NAALADL2: variants seen among roughly 807,000 people sequenced by gnomAD.
NAALADL2 encodes inactive N-acetylated-alpha-linked acidic dipeptidase-like protein 2.
Under a neutral mutation model 87.2 loss-of-function variants are expected in NAALADL2, and 76 were observed. The observed-to-expected ratio is 0.87, with a 90% confidence interval of 0.72 to 1.05. The LOEUF (loss-of-function observed/expected upper bound fraction) is 1.05. Among genes scored for constraint, NAALADL2 ranks in the 50% least tolerant of loss-of-function variants. The probability of loss-of-function intolerance (pLI) is 0.00; values close to 1 mark genes in which losing one functional copy is unlikely to be tolerated. For missense variants in NAALADL2, 1,089 were observed against 945.8 expected (o/e 1.15, Z -1.99); for synonymous variants, 354 against 331.0 (o/e 1.07, Z -0.75).
chr3:174,807,365 C>T (rs1719628688), intron 3 of NAALADL2, among the ~76,000 whole-genome samples: 1 of 152,116 alleles, frequency 6.6e-6, no homozygotes, highest in Admixed American at 6.6e-5. Context: ...AAATGCTCTG[C>T]TTCTTGCTCA....
intron 2 of NAALADL2, among the ~76,000 whole-genome samples, chr3:175,112,914 C>T (rs1248284843): frequency 6.6e-6 from 1 of 151,486 alleles, no homozygotes; most frequent in Non-Finnish European, 1.5e-5. Context: ...GCTATGAATG[C>T]TTTAGATACA....
chr3:175,234,859 A>G (rs1745552923), intron 3 of NAALADL2: 1 of 152,148 alleles, frequency 6.6e-6, no homozygotes, highest in African/African-American at 2.4e-5. Flanking sequence ...TCATCTCTGT[A>G]TTGGAGTCAA....
chr3:175,029,937 T>A (rs1278828935), intron 1 of NAALADL2, among the ~76,000 whole-genome samples: 4 of 152,100 alleles, frequency 2.6e-5, no homozygotes, highest in African/African-American at 9.7e-5. Context: ...AATATATATG[T>A]TAGAAATTAG....
At chr3:175,528,746 T>A (rs1733738775) in intron 9 of NAALADL2, among the ~76,000 whole-genome samples, 1 of 152,180 alleles carries the variant, frequency 6.6e-6, no homozygotes, top group Non-Finnish European at 1.5e-5. Context: ...AAGTTAACAA[T>A]ATATGCAGAT....
chr3:175,755,783 C>T (rs561731998), intron 13 of NAALADL2, among the ~76,000 whole-genome samples: 1 of 152,216 alleles, frequency 6.6e-6, no homozygotes, highest in Admixed American at 6.5e-5. Context: ...TGCAAAGATC[C>T]CATCTAGATT....
chr3:175,314,309 G>C (rs906252703), intron 4 of NAALADL2, among the ~76,000 whole-genome samples: 1 of 151,360 alleles, frequency 6.6e-6, no homozygotes, highest in Non-Finnish European at 1.5e-5. Context: ...CCACCTTGCA[G>C]TTGGCCAAAA....
At chr3:175,647,191 C>T (rs1730128511) in intron 11 of NAALADL2, among the ~76,000 whole-genome samples, 1 of 152,100 alleles carries the variant, frequency 6.6e-6, no homozygotes, top group East Asian at 1.9e-4. Flanking sequence ...ATGCATCCTA[C>T]TGTATATTCC....
intron 1 of NAALADL2, among the ~76,000 whole-genome samples, chr3:174,864,412 C>T (rs190435822): frequency 6.6e-6 from 1 of 152,030 alleles, no homozygotes; most frequent in Non-Finnish European, 1.5e-5. Flanking sequence ...AAAGCCAATT[C>T]TCAAACACTT....
At chr3:175,664,435 G>A (rs1004077936) in intron 11 of NAALADL2, among the ~76,000 whole-genome samples, 2 of 151,998 alleles carry the variant, frequency 1.3e-5, no homozygotes, top group African/African-American at 4.8e-5. Flanking sequence ...AAACATGCAA[G>A]GACTATTTTA....
At chr3:174,498,181 T>C (rs1312023679) in intron 1 of NAALADL2, among the ~76,000 whole-genome samples, 1 of 152,162 alleles carries the variant, frequency 6.6e-6, no homozygotes. Context: ...GATGCCTCTT[T>C]GTAGTCCTTA....
chr3:175,105,615 T>G (rs1379162440), intron 2 of NAALADL2, among the ~76,000 whole-genome samples: 1 of 147,702 alleles, frequency 6.8e-6, no homozygotes, highest in Non-Finnish European at 1.5e-5. Flanking sequence ...CTTTAGAAAT[T>G]AAGCAAGATA....
chr3:174,875,989 T>G (rs1728458434), intron 1 of NAALADL2, among the ~76,000 whole-genome samples: 1 of 152,046 alleles, frequency 6.6e-6, no homozygotes, highest in Non-Finnish European at 1.5e-5. Context: ...AAACCTTGTT[T>G]TTTTTTTTGA....
intron 2 of NAALADL2, among the ~76,000 whole-genome samples, chr3:174,639,197 G>A (rs1722936993): frequency 6.6e-6 from 1 of 152,088 alleles, no homozygotes; most frequent in African/African-American, 2.4e-5. Flanking sequence ...TTATTTTCTG[G>A]TTGGCTTAAT....
At position 175,243,188 on chromosome 3, in the gene NAALADL2, A is replaced by G. The variant is rs185344430; in HGVS notation, c.819+8984A>G. Among the ~76,000 whole-genome samples the G allele has an allele frequency of 1.3e-3, 191 of 150,974 alleles. 2 individuals carry two copies. The highest frequency in any genetic ancestry group is 2.3e-3 in the Non-Finnish European group (157 of 67,870). ...CTCTTTCTTGCTATTATCTGCTTTT[A>G]GAGAGACTTCTCTTTGGACCAAGGC... On this transcript the variant is annotated intron_variant, in intron 3 of 13. Transcript: ENST00000454872.
intron 3 of NAALADL2, among the ~76,000 whole-genome samples, chr3:174,738,316 A>G (rs1212072232): frequency 6.6e-6 from 1 of 152,228 alleles, no homozygotes; most frequent in Non-Finnish European, 1.5e-5. Flanking sequence ...ATAATAACAT[A>G]GAACCAAGAG....
intron 4 of NAALADL2, among the ~76,000 whole-genome samples, chr3:175,308,966 A>G (rs1259155637): frequency 6.6e-6 from 1 of 152,178 alleles, no homozygotes; most frequent in Non-Finnish European, 1.5e-5. Flanking sequence ...ATGGTCATGT[A>G]TATGAATCCT....
In NAALADL2 at chr3:175,808,098, A is replaced by G. The variant is rs921864411; in HGVS notation, c.*4895A>G. Reference sequence around the variant, plus strand: ...TGATCTGTTAATCAGCCAGAGTTTTAGTTTCATAATATCGTTCCATTGCCT... The same window carrying G: ...TGATCTGTTAATCAGCCAGAGTTTTGGTTTCATAATATCGTTCCATTGCCT... On this transcript the variant is annotated 3_prime_UTR_variant, in exon 14 of 14. Transcript: ENST00000454872. 6.6e-6 allele frequency: 1 copy of G among 151,918 alleles called. No individual in the cohort carries two copies. The highest frequency in any genetic ancestry group is 1.5e-5 in the Non-Finnish European group (1 of 67,896). The allele number at this position is 151,918 out of a possible 1,614,324, so 9.4% of individuals were successfully genotyped here.
At chr3:175,151,052 A>T (rs1731474869) in intron 2 of NAALADL2, among the ~76,000 whole-genome samples, 1 of 152,178 alleles carries the variant, frequency 6.6e-6, no homozygotes, top group African/African-American at 2.4e-5. Context: ...TAAACAATGA[A>T]TCATACTTAC....
intron 3 of NAALADL2, among the ~76,000 whole-genome samples, chr3:174,839,389 C>T (rs557408339): frequency 1.3e-5 from 2 of 152,202 alleles, no homozygotes; most frequent in Non-Finnish European, 2.9e-5. Flanking sequence ...ACTATAAACA[C>T]TCTAGAAGAA....
Sources: gnomAD v4.1 joint callset for allele counts (sites outside exome capture counted in the v4.1 genomes callset) on GRCh38, gnomAD v4.1.1 for gene constraint, MANE v1.5 for transcripts, NCBI Gene and HGNC (gene_info 2026-07-23, HGNC 2026-07-21) for gene names.